ADAM19: variants seen among roughly 807,000 people sequenced by gnomAD.
The protein encoded by ADAM19 is ADAM metallopeptidase domain 19, also known as disintegrin and metalloproteinase domain-containing protein 19.
In ADAM19, 65 loss-of-function variants were observed where a neutral mutation model predicts 114.7. The observed-to-expected ratio is 0.57, with a 90% CI of 0.46 to 0.70. The LOEUF is 0.70. ADAM19 is among the 30% of genes least tolerant of loss of function. The probability of loss-of-function intolerance (pLI) is 0.00; values close to 1 mark genes in which losing one functional copy is unlikely to be tolerated. For synonymous variants in ADAM19, 466 were observed against 460.5 expected (o/e 1.01, Z -0.15); for missense variants, 1,063 against 1,204.7 (o/e 0.88, Z 1.74).
At chr5:157,565,798 A>G (rs1246649331) in intron 2 of ADAM19, among the ~76,000 whole-genome samples, 1 of 150,188 alleles carries the variant, frequency 6.7e-6, no homozygotes, top group African/African-American at 2.5e-5. Flanking sequence ...GCACATAAGG[A>G]CATTTATTAC....
chr5:157,575,212 G>A (rs1191868082), intron 1 of ADAM19, among the ~76,000 whole-genome samples: 1 of 152,254 alleles, frequency 6.6e-6, no homozygotes, highest in Admixed American at 6.5e-5. Flanking sequence ...CTCGGCGTTG[G>A]CGAGTGCAGC....
intron 15 of ADAM19, among the ~76,000 whole-genome samples, chr5:157,494,035 C>T (rs1024567307): frequency 2.6e-5 from 4 of 152,224 alleles, no homozygotes; most frequent in African/African-American, 9.6e-5. Context: ...CTCCACATTG[C>T]CATTGTCATA....
At chr5:157,535,127 T>A (rs1048497499) in intron 4 of ADAM19, among the ~76,000 whole-genome samples, 1 of 152,208 alleles carries the variant, frequency 6.6e-6, no homozygotes, top group African/African-American at 2.4e-5. Flanking sequence ...GAGTCAGATA[T>A]CAGCATATGC....
chr5:157,507,143 G>A lies in ADAM19; in HGVS notation c.906-3C>T, dbSNP rs769727521. On this transcript the variant is annotated splice_region_variant and splice_polypyrimidine_tract_variant and intron_variant, in intron 9 of 22. Transcript: ENST00000257527. Reference sequence around the variant, plus strand: ...TGGTGCCGTGGAAGGACATGCCCCTGCAGGAGGCAAGGAGAGACGGTGACC... The same window carrying A: ...TGGTGCCGTGGAAGGACATGCCCCTACAGGAGGCAAGGAGAGACGGTGACC... 3 of 1,613,746 alleles carry A rather than the reference G, an allele frequency of 1.9e-6. No homozygotes were observed. The highest frequency in any genetic ancestry group is 1.7e-4 in the Middle Eastern group (1 of 6,060).
At chr5:157,492,174 C>T (rs914265780) in intron 16 of ADAM19, among the ~76,000 whole-genome samples, 2 of 152,162 alleles carry the variant, frequency 1.3e-5, no homozygotes, top group African/African-American at 4.8e-5. Context: ...TGTCTGTAAT[C>T]CCAGCTACTC....
chr5:157,526,009 G>A (rs978568177), intron 5 of ADAM19, among the ~76,000 whole-genome samples: 4 of 152,042 alleles, frequency 2.6e-5, no homozygotes, highest in African/African-American at 7.2e-5. Flanking sequence ...ATAATGAAAC[G>A]TGCCAGACAT....
In ADAM19 at chr5:157,487,974, C is replaced by T. The variant is rs11466806; in HGVS notation, c.2550+291G>A. ...CATTTACAAAGACCTAGCAGGCAGA[C>T]GAGCATGGGGGAACTGACAGAAGTT... On this transcript the variant is annotated intron_variant, in intron 21 of 22. Coordinates refer to ENST00000257527, the MANE Select transcript of ADAM19 (RefSeq NM_033274.5). Among the ~76,000 whole-genome samples the T allele has an allele frequency of 9.5e-3, 1,453 of 152,152 alleles. 32 individuals carry two copies. Among genetic ancestry groups the T allele is most frequent in the African/African-American group, 0.033 (1,353 of 41,466 alleles).
At chr5:157,554,697 A>G (rs1757315412) in intron 3 of ADAM19, among the ~76,000 whole-genome samples, 1 of 152,226 alleles carries the variant, frequency 6.6e-6, no homozygotes, top group Non-Finnish European at 1.5e-5. Context: ...CTGACCCTGC[A>G]AAACACAAAT....
intron 21 of ADAM19, among the ~76,000 whole-genome samples, chr5:157,482,795 T>C (rs1754797624): frequency 6.6e-6 from 1 of 152,186 alleles, no homozygotes; most frequent in Non-Finnish European, 1.5e-5. Flanking sequence ...AGCAAAGACT[T>C]GGAACCAACC....
intron 21 of ADAM19, among the ~76,000 whole-genome samples, chr5:157,484,076 C>T (rs1754849752): frequency 1.3e-5 from 2 of 151,740 alleles, no homozygotes; most frequent in Admixed American, 1.3e-4. Context: ...TGGATTCTGT[C>T]CTTCCTGTGT....
At position 157,575,746 on chromosome 5, in the gene ADAM19, T is replaced by TGCCCGGCGGTGGAGGCCCACA. The variant is rs1171221103; in HGVS notation, c.-51_-50insTGTGGGCCTCCACCGCCGGGC. On this transcript the variant is annotated 5_prime_UTR_variant, in exon 1 of 23. Coordinates refer to ENST00000257527, the MANE Select transcript of ADAM19 (RefSeq NM_033274.5). ...GCGCTCACACGCCCTCAGCCATACC[T>TGCCCGGCGGTGGAGGCCCACA]GCCCACTGCCCGGCGGTGGAGGCGC... 1 of 1,225,664 alleles carries TGCCCGGCGGTGGAGGCCCACA rather than the reference T, an allele frequency of 8.2e-7. No homozygotes were observed. Among genetic ancestry groups the TGCCCGGCGGTGGAGGCCCACA allele is most frequent in the African/African-American group, 1.6e-5 (1 of 63,688 alleles). The allele number at this position is 1,225,664 out of a possible 1,614,324, so 75.9% of individuals were successfully genotyped here.
At chr5:157,499,767 CTA>C (rs149687252) in intron 12 of ADAM19, 105 bp from the exon 13 acceptor site, 22,394 of 501,286 alleles carry the variant, frequency 0.045, 159 homozygotes, top group South Asian at 0.09. Context: ...TCTCTAGCAA[CTA>C]TCTCTTTTTT....
chr5:157,523,752 A>T (rs1054555263), intron 5 of ADAM19, among the ~76,000 whole-genome samples: 1 of 152,206 alleles, frequency 6.6e-6, no homozygotes, highest in African/African-American at 2.4e-5. Flanking sequence ...ACACAAATGG[A>T]CTAATACAGG....
At chr5:157,552,475 T>G (rs1757227480) in intron 3 of ADAM19, among the ~76,000 whole-genome samples, 1 of 151,772 alleles carries the variant, frequency 6.6e-6, no homozygotes, top group Non-Finnish European at 1.5e-5. Flanking sequence ...AACAGGAGTT[T>G]GAGACCAGCC....
At position 157,488,204 on chromosome 5, in the gene ADAM19, C is replaced by A. The variant is rs1486178062; in HGVS notation, c.2550+61G>T. The stretch of plus-strand genomic sequence containing the variant: ...TTCACCTTCCCCACCTTTGCCATTA[C>A]CCATTGAAAGTGGCCTTAAAAGCAA... On this transcript the variant is annotated intron_variant, in intron 21 of 22. Transcript: ENST00000257527. The A allele has an allele frequency of 2.0e-6, 3 of 1,511,084 alleles. No homozygotes were observed. In the East Asian group the frequency reaches 6.8e-5, roughly 34 times the overall value. The allele number at this position is 1,511,084 out of a possible 1,614,324, so 93.6% of individuals were successfully genotyped here. A position where few individuals can be genotyped will look rare whatever the true frequency, so the allele number is the denominator to read the frequency against.
chr5:157,555,368 C>T (rs1413647343), intron 3 of ADAM19, among the ~76,000 whole-genome samples: 6 of 152,196 alleles, frequency 3.9e-5, no homozygotes, highest in Non-Finnish European at 8.8e-5. Context: ...TCCTAGTTAT[C>T]CTCAGCCAGA....
intron 8 of ADAM19, among the ~76,000 whole-genome samples, chr5:157,511,365 C>G (rs1319242834): frequency 6.6e-6 from 1 of 152,184 alleles, no homozygotes; most frequent in Admixed American, 6.5e-5. Flanking sequence ...TGCCCAAAGT[C>G]TCAGCAAGAA....
Position 157,539,655 on chromosome 5 carries a change from G to C in ADAM19, c.252-1664C>G, listed in dbSNP as rs114511369. 1.3e-3 allele frequency among the ~76,000 whole-genome samples: 197 copies of C among 152,364 alleles called. 1 individual carries two copies. The highest frequency in any genetic ancestry group is 4.5e-3 in the African/African-American group (187 of 41,586). On this transcript the variant is annotated intron_variant, in intron 3 of 22. Transcript: ENST00000257527. ...AAAGCACAAACCCCAGCTTTGTGAA[G>C]AGAAATTCTCATTCACATGGAAACT... is the stretch of plus-strand genomic sequence containing the variant.
At chr5:157,514,056 G>A (rs911334329) in intron 7 of ADAM19, among the ~76,000 whole-genome samples, 1 of 152,230 alleles carries the variant, frequency 6.6e-6, no homozygotes, top group Non-Finnish European at 1.5e-5. Context: ...TTAAAACAGA[G>A]AGGGCCAGAA....
Sources: allele counts gnomAD v4.1 joint callset (sites outside exome capture counted in the v4.1 genomes callset), GRCh38; gene constraint gnomAD v4.1.1; transcripts MANE v1.5; gene names NCBI Gene and HGNC (gene_info 2026-07-23, HGNC 2026-07-21).